Variants in CD38 observed in about 807,000 individuals in gnomAD.
The protein encoded by CD38 is ADP-ribosyl cyclase/cyclic ADP-ribose hydrolase 1.
Under a neutral mutation model 36.3 loss-of-function variants are expected in CD38, and 31 were observed. That is an observed-to-expected ratio of 0.85 (90% CI 0.64 to 1.15). The LOEUF (loss-of-function observed/expected upper bound fraction) is 1.15, where lower values mean the gene tolerates loss of function less well. Ranked by LOEUF, CD38 falls within the 50% of genes most tolerant of loss-of-function variation. CD38 has a pLI of 0.00. For missense variants in CD38, 380 were observed against 371.9 expected (o/e 1.02, Z -0.18); for synonymous variants, 131 against 135.2 (o/e 0.97, Z 0.22).
At chr4:15,831,150 GC>G (rs915724505) in intron 3 of CD38, among the ~76,000 whole-genome samples, 98 of 152,110 alleles carry the variant, frequency 6.4e-4, no homozygotes, top group African/African-American at 2.2e-3. Context: ...CAAACAGAAA[GC>G]TAATACAAAC....
At chr4:15,814,869 C>A (rs975300073) in intron 1 of CD38, among the ~76,000 whole-genome samples, 1 of 151,284 alleles carries the variant, frequency 6.6e-6, no homozygotes. Context: ...TGCAGTGGCA[C>A]GATCTCGGCT....
At chr4:15,796,911 C>T (rs1723114659) in intron 1 of CD38, among the ~76,000 whole-genome samples, 2 of 152,126 alleles carry the variant, frequency 1.3e-5, no homozygotes, top group South Asian at 2.1e-4. Context: ...CCTTTGGCAA[C>T]ATTACAGACA....
At chr4:15,799,989 A>G (rs897549482) in intron 1 of CD38, among the ~76,000 whole-genome samples, 1 of 152,226 alleles carries the variant, frequency 6.6e-6, no homozygotes, top group Admixed American at 6.5e-5. Context: ...CTTCAGGTGC[A>G]CTAAAATAGG....
chr4:15,840,364 C>CTT (rs1222879640), intron 6 of CD38, 88 bp from the exon 7 acceptor site: 1 of 888,526 alleles, frequency 1.1e-6, no homozygotes, highest in South Asian at 1.5e-5. Flanking sequence ...ATCCAAGGGC[C>CTT]TTGTCCAGGG....
intron 3 of CD38, among the ~76,000 whole-genome samples, chr4:15,828,683 C>T (rs1723898727): frequency 6.6e-6 from 1 of 152,086 alleles, no homozygotes; most frequent in African/African-American, 2.4e-5. Flanking sequence ...AATAGTATTC[C>T]ATTGTGTATA....
chr4:15,839,072 T>C (rs1405126203), intron 5 of CD38, among the ~76,000 whole-genome samples: 1 of 152,218 alleles, frequency 6.6e-6, no homozygotes, highest in African/African-American at 2.4e-5. Context: ...TATATTAATT[T>C]GCCTTATAAA....
chr4:15,820,522 G>C (rs901744716), intron 2 of CD38, among the ~76,000 whole-genome samples: 1 of 151,972 alleles, frequency 6.6e-6, no homozygotes, highest in African/African-American at 2.4e-5. Context: ...AAACAGAAAA[G>C]AGCAGGGGTT....
Position 15,825,017 on chromosome 4 carries a change from G to C in CD38, c.499+1G>C. The C allele has an allele frequency of 6.2e-7, 1 of 1,606,942 alleles. No homozygotes were observed. Among genetic ancestry groups the C allele is most frequent in the South Asian group, 1.1e-5 (1 of 90,602 alleles). ...TGGTGTGGTGAATTCAACACTTCCA[G>C]TGAGGCTCTGGGCCCTGTGGGATTG... is the stretch of plus-strand genomic sequence containing the variant. On this transcript the variant is annotated splice_donor_variant, in intron 3 of 7. Transcript: ENST00000226279. LOFTEE classifies it high-confidence loss of function.
chr4:15,792,277 A>G (rs1266663929), intron 1 of CD38, among the ~76,000 whole-genome samples: 1 of 117,526 alleles, frequency 8.5e-6, no homozygotes. Context: ...ACCCAGGGAC[A>G]CAAACACTGC....
At chr4:15,794,510 G>C (rs2148916876) in intron 1 of CD38, among the ~76,000 whole-genome samples, 1 of 152,304 alleles carries the variant, frequency 6.6e-6, no homozygotes, top group East Asian at 1.9e-4. Flanking sequence ...GGTATAATCA[G>C]CTTGTTCAAG....
Position 15,801,105 on chromosome 4 carries a change from A to G in CD38, c.234-15406A>G, listed in dbSNP as rs1341344511. Among the ~76,000 whole-genome samples the G allele has an allele frequency of 8.5e-5, 13 of 152,160 alleles. No individual in the cohort carries two copies. In the East Asian group the frequency reaches 2.5e-3, roughly 29 times the overall value. ...AATAAATGAAAAAGGAGATGTTACA[A>G]TTGATACCACAAAAATATAAAGGAT... On this transcript the variant is annotated intron_variant, in intron 1 of 7. Transcript: ENST00000226279.
chr4:15,838,288 A>G (rs1724115241), intron 5 of CD38, 123 bp downstream of exon 5: 2 of 768,160 alleles, frequency 2.6e-6, no homozygotes, highest in African/African-American at 3.5e-5. Context: ...AGGGCCAAAA[A>G]AGGTAAAAAT....
chr4:15,842,199 G>A (rs1285253313), intron 7 of CD38, among the ~76,000 whole-genome samples: 4 of 110,308 alleles, frequency 3.6e-5, no homozygotes, highest in African/African-American at 8.8e-5. Context: ...CTCCCAGCAC[G>A]CAGCTGGAGA....
intron 1 of CD38, among the ~76,000 whole-genome samples, chr4:15,799,068 T>A (rs991110995): frequency 3.9e-5 from 6 of 152,224 alleles, no homozygotes; most frequent in African/African-American, 1.4e-4. Context: ...GCCTTTTGTA[T>A]CTTATTTAAG....
At chr4:15,783,810 G>A (rs1358719398) in intron 1 of CD38, among the ~76,000 whole-genome samples, 1 of 152,076 alleles carries the variant, frequency 6.6e-6, no homozygotes, top group Non-Finnish European at 1.5e-5. Flanking sequence ...TTTCTTGGGA[G>A]CCAATTCTCC....
intron 5 of CD38, among the ~76,000 whole-genome samples, chr4:15,839,253 T>C (rs115426981): frequency 2.0e-5 from 3 of 152,206 alleles, no homozygotes; most frequent in East Asian, 3.9e-4. Context: ...GGAGTGTCAG[T>C]TGTCAGAGAC....
intron 3 of CD38, among the ~76,000 whole-genome samples, chr4:15,833,234 A>G (rs1723993389): frequency 6.6e-6 from 1 of 152,150 alleles, no homozygotes; most frequent in East Asian, 1.9e-4. Context: ...GCTGTACCTG[A>G]AGCCAGCAAG....
intron 1 of CD38, among the ~76,000 whole-genome samples, chr4:15,784,583 T>C (rs1722770307): frequency 6.6e-6 from 1 of 152,138 alleles, no homozygotes; most frequent in Admixed American, 6.5e-5. Context: ...CAGGACAGAA[T>C]TCCAGCATGT....
rs369981548 is a variant in CD38, at chr4:15,793,524, G to A, written c.233+14877G>A. ...TATTATTGCTAATGAAACGTCTACT[G>A]AATGATGTAAGTTTTCTCTGTGATT... On this transcript the variant is annotated intron_variant, in intron 1 of 7. Coordinates refer to ENST00000226279, the MANE Select transcript of CD38 (RefSeq NM_001775.4). Among the ~76,000 whole-genome samples the A allele has an allele frequency of 4.6e-5, 7 of 152,024 alleles. No individual in the cohort carries two copies. The South Asian group carries it at 1.0e-3, about 22-fold the overall frequency.
Sources: gnomAD v4.1 joint callset for allele counts (sites outside exome capture counted in the v4.1 genomes callset) on GRCh38, gnomAD v4.1.1 for gene constraint, MANE v1.5 for transcripts, NCBI Gene and HGNC (gene_info 2026-07-23, HGNC 2026-07-21) for gene names.